INO80: variants seen among roughly 807,000 people sequenced by gnomAD.
INO80 encodes INO80 complex ATPase subunit.
A neutral mutation model predicts 203.4 loss-of-function variants in INO80; 20 were observed. That is an observed-to-expected ratio of 0.10 (90% confidence interval 0.07 to 0.14). INO80 has a LOEUF of 0.14. Among genes scored for constraint, INO80 ranks in the 10% least tolerant of loss-of-function variants. INO80 has a pLI of 1.00. For synonymous variants in INO80, 726 were observed against 685.2 expected (o/e 1.06, Z -0.93); for missense variants, 1,419 against 1,914.4 (o/e 0.74, Z 4.83).
At chr15:41,041,941 T>C (rs2927067) in intron 24 of INO80, among the ~76,000 whole-genome samples, 132,516 of 150,296 alleles carry the variant, frequency 0.88, 60,543 homozygotes, top group East Asian at 1. Context: ...TTCAAGGGAT[T>C]CTCCTGCCTC....
chr15:41,104,663 G>A (rs181851608), intron 1 of INO80, among the ~76,000 whole-genome samples: 10 of 151,976 alleles, frequency 6.6e-5, no homozygotes, highest in East Asian at 3.9e-4. Flanking sequence ...TCAGTCTTCC[G>A]AGTAGCTGGG....
chr15:41,094,450 C>A (rs1050955806), intron 4 of INO80, among the ~76,000 whole-genome samples: 1 of 152,128 alleles, frequency 6.6e-6, no homozygotes, highest in Non-Finnish European at 1.5e-5. Context: ...TGAAATGTTA[C>A]GTCTTTAAAG....
chr15:41,033,467 G>C (rs1230075962), intron 24 of INO80, among the ~76,000 whole-genome samples: 4 of 151,594 alleles, frequency 2.6e-5, no homozygotes, highest in Non-Finnish European at 5.9e-5. Flanking sequence ...CTTGAGTAGA[G>C]AGACAGAGTG....
intron 1 of INO80, among the ~76,000 whole-genome samples, chr15:41,100,503 C>A (rs1034382271): frequency 6.6e-6 from 1 of 152,176 alleles, no homozygotes; most frequent in African/African-American, 2.4e-5. Flanking sequence ...CCTTTTGACA[C>A]CCAGTATACA....
intron 26 of INO80, 144 bp from the exon 27 acceptor site, chr15:41,016,359 GC>G: frequency 1.3e-6 from 1 of 756,544 alleles, no homozygotes; most frequent in South Asian, 1.9e-5. Flanking sequence ...AAGGGAGAAT[GC>G]AACGCCCTGA....
chr15:41,058,303 A>T (rs1215354493), intron 16 of INO80, among the ~76,000 whole-genome samples: 2 of 152,156 alleles, frequency 1.3e-5, no homozygotes, highest in Non-Finnish European at 2.9e-5. Context: ...AAAAATAAAA[A>T]AAGGGAATTT....
intron 15 of INO80, 140 bp from the exon 16 acceptor site, chr15:41,058,921 G>A (rs991259484): frequency 2.7e-6 from 2 of 749,604 alleles, no homozygotes; most frequent in African/African-American, 3.6e-5. Context: ...AGGGAGATGT[G>A]CAGTGAAGTG....
At chr15:41,015,986 T>C in intron 27 of INO80, 102 bp downstream of exon 27, 1 of 852,762 alleles carries the variant, frequency 1.2e-6, no homozygotes, top group East Asian at 2.8e-5. Flanking sequence ...CAAAAGGGAG[T>C]TTTGGGGCTC....
intron 10 of INO80, 77 bp downstream of exon 10, chr15:41,074,293 G>C: frequency 9.7e-7 from 1 of 1,034,076 alleles, no homozygotes; most frequent in Non-Finnish European, 1.4e-6. Flanking sequence ...TAAAAAATTC[G>C]CAAAAATTAA....
At chr15:41,046,312 C>T (rs1206659774) in intron 23 of INO80, among the ~76,000 whole-genome samples, 2 of 147,638 alleles carry the variant, frequency 1.4e-5, no homozygotes, top group Non-Finnish European at 3.0e-5. Flanking sequence ...TCACTGCAAC[C>T]TCCACCTCCT....
intron 1 of INO80, among the ~76,000 whole-genome samples, chr15:41,113,547 C>T (rs113270261): frequency 3.3e-4 from 50 of 152,234 alleles, no homozygotes; most frequent in African/African-American, 1.0e-3. Context: ...GGATTACAGG[C>T]GTGAGCCACC....
At chr15:41,025,255 G>A (rs543093728) in intron 25 of INO80, among the ~76,000 whole-genome samples, 1 of 152,312 alleles carries the variant, frequency 6.6e-6, no homozygotes, top group Admixed American at 6.5e-5. Flanking sequence ...AAACAATACT[G>A]AAGTAGTATA....
chr15:41,023,252 T>C (rs928822213), intron 25 of INO80: 2 of 455,256 alleles, frequency 4.4e-6, no homozygotes, highest in South Asian at 3.1e-5. Flanking sequence ...TGGATGAAAA[T>C]TGGGTCTCTC....
intron 1 of INO80, among the ~76,000 whole-genome samples, chr15:41,106,050 G>A (rs1006957546): frequency 6.6e-6 from 1 of 151,980 alleles, no homozygotes; most frequent in Non-Finnish European, 1.5e-5. Flanking sequence ...TTGAGCCCAG[G>A]AGTTCAACAC....
At chr15:41,083,117 C>T (rs1395591066) in intron 7 of INO80, among the ~76,000 whole-genome samples, 1 of 151,652 alleles carries the variant, frequency 6.6e-6, no homozygotes, top group African/African-American at 2.4e-5. Context: ...CTTGTCTCTA[C>T]TAAAAATACA....
intron 24 of INO80, among the ~76,000 whole-genome samples, chr15:41,044,622 T>C (rs953817621): frequency 6.6e-6 from 1 of 152,164 alleles, no homozygotes; most frequent in Admixed American, 6.5e-5. Context: ...ATCTAGGTGG[T>C]TGTTACACAA....
chr15:41,084,900 T>C (rs531204509), intron 7 of INO80, among the ~76,000 whole-genome samples: 27 of 152,176 alleles, frequency 1.8e-4, no homozygotes, highest in African/African-American at 6.0e-4. Flanking sequence ...CTACGCCCAG[T>C]TCATTTTTGT....
At chr15:41,088,568 G>A (rs770431644) in intron 5 of INO80, among the ~76,000 whole-genome samples, 2 of 152,016 alleles carry the variant, frequency 1.3e-5, no homozygotes, top group East Asian at 1.9e-4. Flanking sequence ...TATGAATAAC[G>A]TAACTCTTTC....
chr15:41,045,508 G>A (rs2044740392), intron 23 of INO80, among the ~76,000 whole-genome samples: 1 of 150,558 alleles, frequency 6.6e-6, no homozygotes, highest in South Asian at 2.1e-4. Flanking sequence ...CTTGAACCTG[G>A]GAGATGGAGA....
Sources: gnomAD v4.1 joint callset for allele counts (sites outside exome capture counted in the v4.1 genomes callset) on GRCh38, gnomAD v4.1.1 for gene constraint, MANE v1.5 for transcripts, NCBI Gene and HGNC (gene_info 2026-07-23, HGNC 2026-07-21) for gene names.